Variants in MIOS observed in about 807,000 individuals in gnomAD.
MIOS encodes meiosis regulator for oocyte development.
A neutral mutation model predicts 96.9 loss-of-function variants in MIOS; 52 were observed. The ratio of observed to expected loss-of-function variants is 0.54; its 90% CI spans 0.43 to 0.68. MIOS has a LOEUF of 0.68. Ranked by LOEUF, MIOS falls within the 30% of genes least tolerant of loss-of-function variation. The pLI is 0.00. For missense variants in MIOS, 1,005 were observed against 1,052.8 expected (o/e 0.95, Z 0.63); for synonymous variants, 397 against 359.5 (o/e 1.10, Z -1.18).
chr7:7,603,083 A>G (rs570043539), intron 11 of MIOS, among the ~76,000 whole-genome samples: 31 of 152,212 alleles, frequency 2.0e-4, no homozygotes, highest in Non-Finnish European at 4.4e-4. Flanking sequence ...GATGGATTAA[A>G]GACTTAAACG....
intron 5 of MIOS, among the ~76,000 whole-genome samples, chr7:7,578,063 A>G (rs980397539): frequency 2.0e-5 from 3 of 152,178 alleles, no homozygotes; most frequent in Non-Finnish European, 1.5e-5. Flanking sequence ...TTGGAAGGCT[A>G]TGTGGTTGTG....
intron 5 of MIOS, among the ~76,000 whole-genome samples, chr7:7,575,855 A>G (rs1014177772): frequency 1.3e-5 from 2 of 149,790 alleles, no homozygotes; most frequent in Non-Finnish European, 3.0e-5. Context: ...CTCATTCATC[A>G]TTCTCTCATT....
At position 7,607,462 on chromosome 7, in the gene MIOS, T is replaced by C. The variant is rs925850837; in HGVS notation, c.*370T>C. On this transcript the variant is annotated 3_prime_UTR_variant, in exon 13 of 13. Transcript: ENST00000340080. ...AAACTGGATATCTTTCAATAAAATA[T>C]GTGCACTTTTAAAATAAAATGACTA... is the stretch of plus-strand genomic sequence containing the variant. The C allele has an allele frequency of 1.3e-5, 2 of 155,076 alleles. No individual in the cohort carries two copies. The highest frequency in any genetic ancestry group is 4.8e-5 in the African/African-American group (2 of 41,576). The allele number at this position is 155,076 out of a possible 1,614,324, so 9.6% of individuals were successfully genotyped here.
chr7:7,572,117 C>T lies in MIOS; in HGVS notation c.-40-319C>T, dbSNP rs532654211. Among the ~76,000 whole-genome samples, 47 of 152,272 alleles carry T rather than the reference C, an allele frequency of 3.1e-4. No individual in the cohort carries two copies. The Middle Eastern group carries it at 0.01, about 33-fold the overall frequency. On this transcript the variant is annotated intron_variant, in intron 3 of 12. Coordinates refer to ENST00000340080, the MANE Select transcript of MIOS (RefSeq NM_019005.4). The surrounding 1 kb of genome is among the most constrained non-coding windows in gnomAD (Gnocchi z 4.8). ...GGATAATACTTATTAATTTGCTTACCACACTGAAGTTGTTATAACTCTGAA... is the reference window on the plus strand; with the variant it reads ...GGATAATACTTATTAATTTGCTTACTACACTGAAGTTGTTATAACTCTGAA...
At chr7:7,569,884 T>C (rs1293365607) in intron 3 of MIOS, among the ~76,000 whole-genome samples, 1 of 152,106 alleles carries the variant, frequency 6.6e-6, no homozygotes, top group Admixed American at 6.6e-5. Flanking sequence ...GGAGGGTATA[T>C]ACTCTAGGAA....
intron 11 of MIOS, among the ~76,000 whole-genome samples, chr7:7,599,770 A>G (rs1305383210): frequency 1.3e-5 from 2 of 152,184 alleles, no homozygotes; most frequent in East Asian, 1.9e-4. Flanking sequence ...ATCACTCTTT[A>G]TAATAGCAAA....
At position 7,573,892 on chromosome 7, in the gene MIOS, A is replaced by C. The variant is rs1783438009; in HGVS notation, c.1294+123A>C. ...TACAAATACAAGTTACATAATACTA[A>C]CATTATAAAGTAAAATTGTTCTAAA... On this transcript the variant is annotated intron_variant, in intron 4 of 12. Coordinates refer to ENST00000340080, the MANE Select transcript of MIOS (RefSeq NM_019005.4). The surrounding 1 kb of genome is among the most constrained non-coding windows in gnomAD (Gnocchi z 5.0). 9.4e-7 allele frequency: 1 copy of C among 1,064,792 alleles called. No homozygotes were observed. Among genetic ancestry groups the C allele is most frequent in the Admixed American group, 2.4e-5 (1 of 41,608 alleles). 66.0% of individuals were successfully genotyped at this position (1,064,792 alleles called of 1,614,324 possible). A position where few individuals can be genotyped will look rare whatever the true frequency, so the allele number is the denominator to read the frequency against.
chr7:7,608,175 C>G lies in MIOS; in HGVS notation c.*1083C>G, dbSNP rs7776552. 9 of 126,942 alleles carry G rather than the reference C, an allele frequency of 7.1e-5. No individual in the cohort carries two copies. Among genetic ancestry groups the G allele is most frequent in the African/African-American group, 2.4e-4 (8 of 33,966 alleles). The allele number at this position is 126,942 out of a possible 1,614,324, so 7.9% of individuals were successfully genotyped here. On this transcript the variant is annotated 3_prime_UTR_variant, in exon 13 of 13. Transcript: ENST00000340080. ...TACTTTATTTAAAACATTTTTTTTT[C>G]TCATTTCATAGCTAGATAGTTGTAA...
At chr7:7,593,002 A>G (rs956954537) in intron 9 of MIOS, among the ~76,000 whole-genome samples, 5 of 152,134 alleles carry the variant, frequency 3.3e-5, no homozygotes, top group Non-Finnish European at 7.3e-5. Flanking sequence ...TCTCTGAACT[A>G]TTTTCATTAC....
chr7:7,589,849 A>T (rs890392836), intron 9 of MIOS, among the ~76,000 whole-genome samples: 1 of 152,178 alleles, frequency 6.6e-6, no homozygotes, highest in African/African-American at 2.4e-5. Context: ...AGTTTCTCCA[A>T]TTGTTGACAT....
intron 3 of MIOS, among the ~76,000 whole-genome samples, chr7:7,570,782 T>C (rs1783325222): frequency 6.6e-6 from 1 of 152,142 alleles, no homozygotes; most frequent in Non-Finnish European, 1.5e-5. Context: ...GAGGCGGAGC[T>C]CAGGCAGCAG....
In MIOS at chr7:7,572,997, A is replaced by G; in HGVS notation, c.522A>G (p.Val174=). 1 of 1,614,108 alleles carries G rather than the reference A, an allele frequency of 6.2e-7. No individual in the cohort carries two copies. The highest frequency in any genetic ancestry group is 1.7e-4 in the Middle Eastern group (1 of 6,060). Reference sequence around the variant, plus strand: ...GTGAAACTGAAACAACATTATTAGTAACAAAACCACTTTATGAGTTAGGAC... The same window carrying G: ...GTGAAACTGAAACAACATTATTAGTGACAAAACCACTTTATGAGTTAGGAC... ...SAGETETTLL[V]TKPLYELGQN... The change falls in exon 4 of 13, where the codon GTA becomes GTG. Residue 174 remains valine (V), a synonymous_variant. Coordinates refer to ENST00000340080, the MANE Select transcript of MIOS (RefSeq NM_019005.4). The surrounding 1 kb of genome is among the most constrained non-coding windows in gnomAD (Gnocchi z 4.8).
At chr7:7,597,329 TTTAAAAAAAAAAAATGTTTTTAA>T (rs1784232532) in intron 11 of MIOS, among the ~76,000 whole-genome samples, 1 of 33,232 alleles carries the variant, frequency 3.0e-5, no homozygotes. Flanking sequence ...CTGTCCTAAA[TTTAAAAAAAAAAAATGTTTTTAA>T]TTAAAAAATA....
rs779052645 is a variant in MIOS, at chr7:7,573,225, A to T, written c.750A>T (p.Ile250=). 1 of 1,614,140 alleles carries T rather than the reference A, an allele frequency of 6.2e-7. No individual in the cohort carries two copies. The highest frequency in any genetic ancestry group is 8.5e-7 in the Non-Finnish European group (1 of 1,180,000). Residue 250 remains isoleucine, a synonymous_variant, in exon 4 of 13, where the codon ATA becomes ATT. Transcript: ENST00000340080. This position sits in a 1 kb window ranked among gnomAD's most constrained non-coding sequence, Gnocchi z 5.0. ...VASFYEGQVA[I]WDLRKFEKPV... is the part of the protein sequence containing the mutation. Reference sequence around the variant, plus strand: ...CCTTCTATGAAGGTCAGGTTGCAATATGGGATCTTAGAAAATTTGAGAAGC... The same window carrying T: ...CCTTCTATGAAGGTCAGGTTGCAATTTGGGATCTTAGAAAATTTGAGAAGC...
intron 5 of MIOS, among the ~76,000 whole-genome samples, chr7:7,575,701 A>G (rs112540356): frequency 0.028 from 4,247 of 152,254 alleles, 93 homozygotes; most frequent in Non-Finnish European, 0.041. Context: ...TATTTTAAGG[A>G]AAAGCCAGCA....
chr7:7,569,398 A>T (rs910699346), intron 3 of MIOS, among the ~76,000 whole-genome samples: 11 of 152,222 alleles, frequency 7.2e-5, no homozygotes, highest in Non-Finnish European at 1.0e-4. Flanking sequence ...GAAGGTGCCC[A>T]ATCAATAGTC....
At chr7:7,580,721 G>A in intron 5 of MIOS, among the ~76,000 whole-genome samples, 2 of 128,746 alleles carry the variant, frequency 1.6e-5, no homozygotes, top group Admixed American at 8.7e-5. Context: ...TAAAGAGACA[G>A]AATCTCACTC....
At chr7:7,584,933 T>C (rs997177237) in intron 6 of MIOS, among the ~76,000 whole-genome samples, 1 of 152,178 alleles carries the variant, frequency 6.6e-6, no homozygotes, top group Non-Finnish European at 1.5e-5. Flanking sequence ...TGGGTCTAAA[T>C]GCAGTTCTGT....
Position 7,596,366 on chromosome 7 carries a change from A to C in MIOS, c.2306A>C (p.Lys769Thr). 1 of 1,614,106 alleles carries C rather than the reference A, an allele frequency of 6.2e-7. No individual in the cohort carries two copies. The highest frequency in any genetic ancestry group is 8.5e-7 in the Non-Finnish European group (1 of 1,180,016). The change falls in exon 11 of 13, where the codon AAA becomes ACA. Residue 769 changes from lysine (K) to threonine (T), a missense_variant. Transcript: ENST00000340080. ...SQYGVSGSPT[K>T]SKVTSCPGCR... ...TATGGTGTGAGTGGCTCACCAACGAAATCTAAAGTCACAAGTTGTCCTGGC... is the reference window on the plus strand; with the variant it reads ...TATGGTGTGAGTGGCTCACCAACGACATCTAAAGTCACAAGTTGTCCTGGC...
Sources: gnomAD v4.1 joint callset for allele counts (sites outside exome capture counted in the v4.1 genomes callset) on GRCh38, gnomAD v4.1.1 for gene constraint, Gnocchi (gnomAD v3.1) non-coding constraint, MANE v1.5 for transcripts, NCBI Gene and HGNC (gene_info 2026-07-23, HGNC 2026-07-21) for gene names.